Variants in NALF1 observed in about 807,000 individuals in gnomAD.
NALF1 encodes NALCN channel auxiliary factor 1.
NALF1 carries 3 observed loss-of-function variants against 48.4 expected under a neutral mutation model. The observed-to-expected ratio is 0.06, with a 90% CI of 0.03 to 0.16. NALF1 has a LOEUF of 0.16. Among genes scored for constraint, NALF1 ranks in the 10% least tolerant of loss-of-function variants. The probability of loss-of-function intolerance (pLI) is 1.00; values close to 1 mark genes in which losing one functional copy is unlikely to be tolerated. For missense variants in NALF1, 526 were observed against 571.5 expected (o/e 0.92, Z 0.81); for synonymous variants, 262 against 245.7 (o/e 1.07, Z -0.62).
intron 1 of NALF1, among the ~76,000 whole-genome samples, chr13:107,387,104 C>A (rs919439425): frequency 3.3e-5 from 5 of 152,080 alleles, no homozygotes; most frequent in African/African-American, 7.2e-5. Context: ...GTAGATGCAT[C>A]CCTGGGTAGA....
At chr13:107,559,741 A>G (rs1385699074) in intron 1 of NALF1, among the ~76,000 whole-genome samples, 3 of 152,222 alleles carry the variant, frequency 2.0e-5, no homozygotes, top group Non-Finnish European at 1.5e-5. Flanking sequence ...TGCTATTTGA[A>G]TGTACACTCA....
intron 1 of NALF1, among the ~76,000 whole-genome samples, chr13:107,692,842 T>C (rs1198496905): frequency 1.3e-5 from 2 of 152,180 alleles, no homozygotes; most frequent in Non-Finnish European, 2.9e-5. Context: ...CCTGAACAAC[T>C]AGAAGAGCAG....
intron 1 of NALF1, among the ~76,000 whole-genome samples, chr13:107,347,093 TATAAC>T (rs924276863): frequency 6.6e-6 from 1 of 152,256 alleles, no homozygotes; most frequent in African/African-American, 2.4e-5. Context: ...TAAATGAAGT[TATAAC>T]ATAAAAGTGT....
intron 1 of NALF1, among the ~76,000 whole-genome samples, chr13:107,428,891 A>C (rs1884327119): frequency 6.6e-6 from 1 of 152,228 alleles, no homozygotes. Flanking sequence ...ATAATGGCTT[A>C]AGTGAATCAT....
At chr13:107,393,533 T>C (rs1016478366) in intron 1 of NALF1, among the ~76,000 whole-genome samples, 4 of 152,140 alleles carry the variant, frequency 2.6e-5, no homozygotes, top group African/African-American at 9.7e-5. Flanking sequence ...CATTTCCTCA[T>C]GGGGAAGGAG....
intron 1 of NALF1, among the ~76,000 whole-genome samples, chr13:107,530,243 C>T (rs974520214): frequency 1.3e-5 from 2 of 152,122 alleles, no homozygotes; most frequent in African/African-American, 4.8e-5. Context: ...AAAGACAAAA[C>T]CTCCATCCTA....
intron 1 of NALF1, among the ~76,000 whole-genome samples, chr13:107,722,139 G>A (rs139096348): frequency 8.8e-4 from 134 of 152,136 alleles, no homozygotes; most frequent in African/African-American, 3.0e-3. Context: ...TTAAAAGTTC[G>A]GTAAATCTAC....
intron 1 of NALF1, among the ~76,000 whole-genome samples, chr13:107,271,477 A>G (rs1171774456): frequency 6.6e-6 from 1 of 152,108 alleles, no homozygotes; most frequent in Non-Finnish European, 1.5e-5. Context: ...ACAGCCAGGG[A>G]CAATGGAATT....
chr13:107,403,954 A>G (rs971869777), intron 1 of NALF1, among the ~76,000 whole-genome samples: 1 of 152,132 alleles, frequency 6.6e-6, no homozygotes, highest in African/African-American at 2.4e-5. Flanking sequence ...ACGAAGCCTG[A>G]TAATTAATCA....
chr13:107,201,764 C>T (rs538790736), intron 2 of NALF1, among the ~76,000 whole-genome samples: 2 of 152,144 alleles, frequency 1.3e-5, no homozygotes, highest in African/African-American at 4.8e-5. Flanking sequence ...CACTTACACA[C>T]AAAAAAAGAC....
intron 1 of NALF1, among the ~76,000 whole-genome samples, chr13:107,808,085 T>A (rs905707292): frequency 6.6e-6 from 1 of 152,134 alleles, no homozygotes; most frequent in African/African-American, 2.4e-5. Context: ...ACAATTATAC[T>A]TGGCTACAAG....
intron 1 of NALF1, among the ~76,000 whole-genome samples, chr13:107,803,488 G>C (rs1566488071): frequency 6.6e-6 from 1 of 151,738 alleles, no homozygotes; most frequent in Non-Finnish European, 1.5e-5. Flanking sequence ...TAATATTCAG[G>C]GTCAAAATCA....
chr13:107,577,594 T>C (rs1385823020), intron 1 of NALF1, among the ~76,000 whole-genome samples: 1 of 152,220 alleles, frequency 6.6e-6, no homozygotes, highest in Non-Finnish European at 1.5e-5. Flanking sequence ...ACTGAATTTA[T>C]TAGCTCTGTG....
intron 1 of NALF1, among the ~76,000 whole-genome samples, chr13:107,477,719 T>G (rs1249890712): frequency 2.0e-5 from 3 of 151,930 alleles, no homozygotes; most frequent in Admixed American, 6.6e-5. Flanking sequence ...TTAAGAGCAT[T>G]TATTTTAGGA....
chr13:107,311,103 T>C (rs1172216696), intron 1 of NALF1, among the ~76,000 whole-genome samples: 7 of 152,194 alleles, frequency 4.6e-5, no homozygotes, highest in Non-Finnish European at 1.0e-4. Context: ...AACACATTTT[T>C]TTTCCCCCAA....
chr13:107,686,757 C>T (rs1343297595), intron 1 of NALF1, among the ~76,000 whole-genome samples: 1 of 151,964 alleles, frequency 6.6e-6, no homozygotes. Context: ...GATATCATCT[C>T]ATACCAGTCA....
intron 1 of NALF1, among the ~76,000 whole-genome samples, chr13:107,660,484 C>CAAACAAACAA (rs1555316067): frequency 7.2e-6 from 1 of 139,122 alleles, no homozygotes; most frequent in Non-Finnish European, 1.6e-5. Flanking sequence ...CACACACACA[C>CAAACAAACAA]AACAAAGAAA....
chr13:107,343,818 G>A (rs1882724943), intron 1 of NALF1, among the ~76,000 whole-genome samples: 1 of 151,894 alleles, frequency 6.6e-6, no homozygotes, highest in Admixed American at 6.6e-5. Context: ...AAAGAACGAA[G>A]TAAACAGGTA....
intron 1 of NALF1, among the ~76,000 whole-genome samples, chr13:107,832,345 CAT>C (rs1004214547): frequency 6.6e-6 from 1 of 151,866 alleles, no homozygotes; most frequent in African/African-American, 2.4e-5. Flanking sequence ...AGCTTTATCT[CAT>C]CTTATGTAAA....
Sources: allele counts gnomAD v4.1 joint callset (sites outside exome capture counted in the v4.1 genomes callset), GRCh38; gene constraint gnomAD v4.1.1; transcripts MANE v1.5; gene names NCBI Gene and HGNC (gene_info 2026-07-23, HGNC 2026-07-21).